Variants in TBC1D19 observed in about 807,000 individuals in gnomAD.
TBC1D19 encodes the protein TBC1 domain family, member 19.
Under a neutral mutation model 89.0 loss-of-function variants are expected in TBC1D19, and 60 were observed. The ratio of observed to expected loss-of-function variants is 0.67; its 90% CI spans 0.55 to 0.84. The LOEUF (loss-of-function observed/expected upper bound fraction) is 0.84. Among genes scored for constraint, TBC1D19 ranks in the 40% least tolerant of loss-of-function variants. The pLI is 0.00. For missense variants in TBC1D19, 500 were observed against 610.8 expected, an observed-to-expected ratio of 0.82 and a Z score of 1.91; for synonymous variants, 189 against 199.7, an observed-to-expected ratio of 0.95 and a Z score of 0.45.
chr4:26,781,584 A>C, the TBC1D19 span, among the ~76,000 whole-genome samples: 1 of 152,232 alleles, frequency 6.6e-6, no homozygotes, highest in African/African-American at 2.4e-5. Context: ...TTTAATTAAC[A>C]TTTTAAGTGG....
At chr4:26,812,969 C>T in the TBC1D19 span, among the ~76,000 whole-genome samples, 117 of 152,212 alleles carry the variant, frequency 7.7e-4, no homozygotes, top group African/African-American at 2.7e-3. The surrounding 1 kb of genome is among the most constrained non-coding windows in gnomAD (Gnocchi z 4.2). Context: ...GTAGTCTTAG[C>T]ACTTTGGGAG....
At chr4:26,808,352 T>G in the TBC1D19 span, among the ~76,000 whole-genome samples, 1 of 152,184 alleles carries the variant, frequency 6.6e-6, no homozygotes, top group East Asian at 1.9e-4. Flanking sequence ...AGATTTTACA[T>G]AGAACTGCAC....
chr4:26,688,529 A>G, intron 13 of TBC1D19, 122 bp downstream of exon 13: 1 of 1,241,658 alleles, frequency 8.1e-7, no homozygotes, highest in Non-Finnish European at 1.0e-6. Context: ...TTGTCGGATG[A>G]AATGTTCTAA....
At chr4:26,827,509 C>T in the TBC1D19 span, among the ~76,000 whole-genome samples, 1 of 152,072 alleles carries the variant, frequency 6.6e-6, no homozygotes, top group Admixed American at 6.5e-5. Flanking sequence ...GAGGCTGAGG[C>T]ATGAGAATTG....
At chr4:26,699,909 T>C (rs939690839) in intron 13 of TBC1D19, among the ~76,000 whole-genome samples, 14 of 151,966 alleles carry the variant, frequency 9.2e-5, no homozygotes, top group African/African-American at 3.1e-4. Flanking sequence ...ATATACCTAA[T>C]GTAAATGGCA....
chr4:26,601,288 A>G (rs918137264), intron 1 of TBC1D19, among the ~76,000 whole-genome samples: 2 of 152,218 alleles, frequency 1.3e-5, no homozygotes, highest in African/African-American at 4.8e-5. Context: ...AACATACAGT[A>G]TCTGTCTTTT....
chr4:26,584,305 G>A lies in TBC1D19; in HGVS notation c.99+13G>A, dbSNP rs1412855097. Reference sequence around the variant, plus strand: ...ACGGCAGGCCTGGGTAAGTGAGGCCGAGTGGGAAGGGATGCAGACGGGCGG... The same window carrying A: ...ACGGCAGGCCTGGGTAAGTGAGGCCAAGTGGGAAGGGATGCAGACGGGCGG... On this transcript the variant is annotated intron_variant, in intron 1 of 20. Transcript: ENST00000264866. The A allele has an allele frequency of 6.2e-7, 1 of 1,601,326 alleles. No individual in the cohort carries two copies. Among genetic ancestry groups the A allele is most frequent in the Non-Finnish European group, 8.5e-7 (1 of 1,174,358 alleles).
chr4:26,625,991 A>T (rs189944381), intron 4 of TBC1D19, among the ~76,000 whole-genome samples: 13 of 152,152 alleles, frequency 8.5e-5, no homozygotes, highest in African/African-American at 2.6e-4. Flanking sequence ...ATACTTAAGG[A>T]GTTGAGAATT....
At chr4:26,640,034 G>A in intron 6 of TBC1D19, 107 bp from the exon 7 acceptor site, 1 of 770,388 alleles carries the variant, frequency 1.3e-6, no homozygotes, top group Non-Finnish European at 2.1e-6. Flanking sequence ...AGAAATGTTT[G>A]AATTAATCTA....
At chr4:26,596,113 T>C (rs999040019) in intron 1 of TBC1D19, among the ~76,000 whole-genome samples, 4 of 152,098 alleles carry the variant, frequency 2.6e-5, no homozygotes. Context: ...CGTGCTACCA[T>C]GCCTGGCTAA....
At chr4:26,783,271 T>A in the TBC1D19 span, among the ~76,000 whole-genome samples, 2 of 152,222 alleles carry the variant, frequency 1.3e-5, no homozygotes, top group Non-Finnish European at 2.9e-5. Context: ...AAACTGGCAT[T>A]GTTACAACAA....
chr4:26,715,511 T>C (rs1352453124), intron 13 of TBC1D19, among the ~76,000 whole-genome samples: 3 of 152,018 alleles, frequency 2.0e-5, no homozygotes, highest in Non-Finnish European at 4.4e-5. Context: ...TCAACACATG[T>C]ATAAGTGCAG....
At chr4:26,710,673 A>G (rs543403984) in intron 13 of TBC1D19, among the ~76,000 whole-genome samples, 119 of 152,204 alleles carry the variant, frequency 7.8e-4, no homozygotes, top group African/African-American at 2.6e-3. Flanking sequence ...TCCTATCTCC[A>G]CATCCTCTCC....
At chr4:26,720,876 A>C (rs1716929190) in intron 15 of TBC1D19, among the ~76,000 whole-genome samples, 1 of 152,112 alleles carries the variant, frequency 6.6e-6, no homozygotes, top group African/African-American at 2.4e-5. Context: ...AGATTACATG[A>C]GATATGGTAT....
chr4:26,693,781 G>C (rs900182566), intron 13 of TBC1D19, among the ~76,000 whole-genome samples: 1 of 151,916 alleles, frequency 6.6e-6, no homozygotes, highest in Admixed American at 6.6e-5. Flanking sequence ...CATTTTTAAA[G>C]TACCAGACCG....
the TBC1D19 span, among the ~76,000 whole-genome samples, chr4:26,819,527 A>G: frequency 6.6e-6 from 1 of 152,212 alleles, no homozygotes. Context: ...CCAAGCTGCC[A>G]CTGACTCTCT....
chr4:26,752,054 G>T (rs1718992849), intron 19 of TBC1D19, among the ~76,000 whole-genome samples: 1 of 152,092 alleles, frequency 6.6e-6, no homozygotes, highest in African/African-American at 2.4e-5. Context: ...CTCTGAACGT[G>T]TCACCCCACT....
At chr4:26,791,436 A>C in the TBC1D19 span, among the ~76,000 whole-genome samples, 4 of 152,154 alleles carry the variant, frequency 2.6e-5, no homozygotes, top group South Asian at 2.1e-4. Flanking sequence ...CCTGAAGTGG[A>C]AGCCACTAAA....
chr4:26,759,912 A>G (rs962626684), downstream of TBC1D19, among the ~76,000 whole-genome samples: 5 of 152,206 alleles, frequency 3.3e-5, no homozygotes. Flanking sequence ...TACAGCTACT[A>G]TAAACATTTG....
Sources: gnomAD v4.1 joint callset for allele counts (sites outside exome capture counted in the v4.1 genomes callset) on GRCh38, gnomAD v4.1.1 for gene constraint, Gnocchi (gnomAD v3.1) non-coding constraint, MANE v1.5 for transcripts, NCBI Gene and HGNC (gene_info 2026-07-23, HGNC 2026-07-21) for gene names.